KNG1: variants seen among roughly 807,000 people sequenced by gnomAD.
KNG1 encodes the protein kininogen-1.
In KNG1, 23 loss-of-function variants were observed where a neutral mutation model predicts 47.8. The observed-to-expected ratio is 0.48, with a 90% CI of 0.35 to 0.68. The LOEUF is 0.68. Among genes scored for constraint, KNG1 ranks in the 30% least tolerant of loss-of-function variants. The pLI, the probability that KNG1 is intolerant of heterozygous loss-of-function variation, is 0.01. For synonymous variants in KNG1, 277 were observed against 277.0 expected (o/e 1.00, Z 0.00); for missense variants, 762 against 790.2 (o/e 0.96, Z 0.43).
At chr3:186,733,271 TAC>T (rs1560067344) in intron 7 of KNG1, among the ~76,000 whole-genome samples, 9 of 150,384 alleles carry the variant, frequency 6.0e-5, no homozygotes, top group African/African-American at 2.0e-4. Context: ...AATAAATAAA[TAC>T]AATAGCAACC....
chr3:186,738,613 G>T (rs574079296), intron 7 of KNG1: 1 of 159,492 alleles, frequency 6.3e-6, no homozygotes, highest in Non-Finnish European at 1.4e-5. Flanking sequence ...TTGGGAGGCC[G>T]AGGCAGGTGG....
intron 7 of KNG1, 47 bp from the exon 8 acceptor site, chr3:186,739,052 T>C: frequency 1.4e-6 from 2 of 1,391,662 alleles, no homozygotes; most frequent in Non-Finnish European, 2.0e-6. Flanking sequence ...AATGATTTAT[T>C]ATGCAAATAT....
At chr3:186,718,848 ATAT>A (rs1453585481) in intron 1 of KNG1, among the ~76,000 whole-genome samples, 2 of 152,184 alleles carry the variant, frequency 1.3e-5, no homozygotes, top group Admixed American at 1.3e-4. Flanking sequence ...TTAGTTTTTG[ATAT>A]TATTGCAATG....
At chr3:186,739,306 C>A (rs750118131) in intron 8 of KNG1, 22 bp from the exon 9 acceptor site, 3 of 1,602,584 alleles carry the variant, frequency 1.9e-6, no homozygotes, top group South Asian at 2.2e-5. Context: ...GTCTCTCTTT[C>A]GACTTCTGTT....
chr3:186,720,560 T>C (rs568448643), intron 2 of KNG1: 79 of 339,124 alleles, frequency 2.3e-4, no homozygotes, highest in Admixed American at 7.8e-4. Context: ...TGCACAACGT[T>C]AAGTGCAAAT....
In KNG1 at chr3:186,732,545, C is replaced by T; in HGVS notation, c.801C>T (p.Cys267=). 6.2e-7 allele frequency: 1 copy of T among 1,614,092 alleles called. No homozygotes were observed. Among genetic ancestry groups the T allele is most frequent in the Non-Finnish European group, 8.5e-7 (1 of 1,180,000 alleles). The change falls in exon 7 of 10, where the codon TGC becomes TGT. Residue 267 remains cysteine, a synonymous_variant. Coordinates refer to ENST00000644859, the MANE Select transcript of KNG1 (RefSeq NM_001102416.3). ...CACCTACCAAGATTTGCGTGGGCTG[C>T]CCCAGAGATATACCCACCAACAGCC... ...VQPPTKICVG[C]PRDIPTNSPE...
In KNG1 at chr3:186,717,595, C is replaced by T. The variant is rs763470808; in HGVS notation, c.53C>T (p.Thr18Ile). 1 of 1,612,782 alleles carries T rather than the reference C, an allele frequency of 6.2e-7. No homozygotes were observed. The highest frequency in any genetic ancestry group is 1.1e-5 in the South Asian group (1 of 91,074). Residue 18 changes from threonine (T) to isoleucine (I), a missense_variant, in exon 1 of 10, where the codon ACC becomes ATC. Transcript: ENST00000644859. ...TGCTCCAGGCTGCTACTAAGTTTAA[C>T]CCAGGAATCACAGTCCGAGGAAATT... is the stretch of plus-strand genomic sequence containing the variant. ...FLCSRLLLSL[T>I]QESQSEEIDC...
chr3:186,736,184 C>A (rs1230873100), intron 7 of KNG1: 1 of 152,148 alleles, frequency 6.6e-6, no homozygotes, highest in Non-Finnish European at 1.5e-5. Flanking sequence ...CTGAATATTG[C>A]AAGAATTTCA....
chr3:186,738,290 T>C (rs1055852600), intron 7 of KNG1: 1 of 152,184 alleles, frequency 6.6e-6, no homozygotes, highest in African/African-American at 2.4e-5. Flanking sequence ...AAATAATTTC[T>C]TAATATTAAA....
At chr3:186,719,728 CAA>C (rs398063105) in intron 1 of KNG1, among the ~76,000 whole-genome samples, 10 of 119,230 alleles carry the variant, frequency 8.4e-5, no homozygotes, top group Non-Finnish European at 1.1e-4. Flanking sequence ...GACTCCATCT[CAA>C]AAAAAAAAAA....
chr3:186,727,130 C>A, intron 4 of KNG1, 107 bp from the exon 5 acceptor site: 1 of 788,038 alleles, frequency 1.3e-6, no homozygotes, highest in Non-Finnish European at 2.2e-6. Context: ...ATTTCTTGGG[C>A]ACTTATTATA....
At chr3:186,739,577 A>G (rs1374649575) in intron 9 of KNG1, among the ~76,000 whole-genome samples, 163 bp downstream of exon 9, 1 of 152,208 alleles carries the variant, frequency 6.6e-6, no homozygotes, top group Non-Finnish European at 1.5e-5. Context: ...TAATGGCTAG[A>G]AAGAAGAGTA....
intron 1 of KNG1, among the ~76,000 whole-genome samples, chr3:186,719,294 G>A (rs1030401306): frequency 2.0e-5 from 3 of 152,052 alleles, no homozygotes; most frequent in African/African-American, 7.2e-5. Context: ...GAAAAAGTAG[G>A]AAACAAAATA....
intron 3 of KNG1, among the ~76,000 whole-genome samples, chr3:186,722,943 G>T (rs771866236): frequency 6.6e-5 from 10 of 152,134 alleles, no homozygotes; most frequent in Admixed American, 2.0e-4. Context: ...CACTTCACAG[G>T]ACTGTTGTGA....
chr3:186,740,995 G>A (rs1720796126), intron 9 of KNG1, among the ~76,000 whole-genome samples: 1 of 150,846 alleles, frequency 6.6e-6, no homozygotes, highest in African/African-American at 2.4e-5. Context: ...TGTTGTTGTT[G>A]TTGTTTGTTT....
Position 186,742,279 on chromosome 3 carries a change from C to G in KNG1, c.1883C>G (p.Thr628Ser). The change falls in exon 10 of 10, where the codon ACC becomes AGC. Residue 628 changes from threonine (T) to serine (S), a missense_variant. Coordinates refer to ENST00000644859, the MANE Select transcript of KNG1 (RefSeq NM_001102416.3). Reference sequence around the variant, plus strand: ...AAGTCAGTTAGTGAAATTAATCCAACCACACAAATGAAAGAATCTTATTAT... The same window carrying G: ...AAGTCAGTTAGTGAAATTAATCCAAGCACACAAATGAAAGAATCTTATTAT... ...PWKSVSEINP[T>S]TQMKESYYFD... The G allele has an allele frequency of 6.2e-7, 1 of 1,614,162 alleles. No homozygotes were observed.
intron 7 of KNG1, among the ~76,000 whole-genome samples, chr3:186,733,963 C>A (rs774598387): frequency 1.3e-5 from 2 of 151,908 alleles, no homozygotes; most frequent in Non-Finnish European, 2.9e-5. Flanking sequence ...AGCAAAACTC[C>A]TTCTCAAAAA....
At chr3:186,725,314 T>C (rs1720328828) in intron 4 of KNG1, 54 bp downstream of exon 4, 3 of 1,532,266 alleles carry the variant, frequency 2.0e-6, no homozygotes, top group Non-Finnish European at 2.7e-6. Context: ...TGTTAGATCT[T>C]TACATTTAAA....
intron 5 of KNG1, among the ~76,000 whole-genome samples, chr3:186,731,062 A>C (rs896067291): frequency 2.0e-5 from 3 of 151,936 alleles, no homozygotes; most frequent in Admixed American, 6.6e-5. Flanking sequence ...CATTTTTACT[A>C]CCTTTAGGAA....
Sources: gnomAD v4.1 joint callset for allele counts (sites outside exome capture counted in the v4.1 genomes callset) on GRCh38, gnomAD v4.1.1 for gene constraint, MANE v1.5 for transcripts, NCBI Gene and HGNC (gene_info 2026-07-23, HGNC 2026-07-21) for gene names.